The following SIRPA variants were observed in gnomAD, a reference collection of about 807,000 sequenced individuals.
SIRPA encodes the protein tyrosine-protein phosphatase non-receptor type substrate 1.
Under a neutral mutation model 50.3 loss-of-function variants are expected in SIRPA, and 9 were observed. That is an observed-to-expected ratio of 0.18 (90% CI 0.11 to 0.31). The LOEUF (loss-of-function observed/expected upper bound fraction) is 0.31. SIRPA is among the 10% of genes least tolerant of loss of function. The pLI is 1.00. For synonymous variants in SIRPA, 265 were observed against 284.1 expected (o/e 0.93, Z 0.68); for missense variants, 474 against 661.6 (o/e 0.72, Z 3.11).
At chr20:1,926,124 T>C (rs138024774) in intron 5 of SIRPA, among the ~76,000 whole-genome samples, 1 of 152,176 alleles carries the variant, frequency 6.6e-6, no homozygotes, top group Non-Finnish European at 1.5e-5. Flanking sequence ...GCCTCCCAAG[T>C]TTCCCTCCCT....
chr20:1,910,545 A>G (rs2123056123), intron 1 of SIRPA, among the ~76,000 whole-genome samples: 1 of 152,312 alleles, frequency 6.6e-6, no homozygotes, highest in South Asian at 2.1e-4. Flanking sequence ...CAATCAACAA[A>G]GATTTATCGA....
Position 1,936,818 on chromosome 20 carries a change from C to T in SIRPA, c.1267-502C>T, listed in dbSNP as rs943702648. ...AACAGACATGGTCCTGGGTAGCGGGCCCTGTGATGGAAAACAAACATGGGC... is the reference window on the plus strand; with the variant it reads ...AACAGACATGGTCCTGGGTAGCGGGTCCTGTGATGGAAAACAAACATGGGC... On this transcript the variant is annotated intron_variant, in intron 7 of 7. Coordinates refer to ENST00000358771, the MANE Select transcript of SIRPA (RefSeq NM_001040023.2). The surrounding 1 kb of genome is among the most constrained non-coding windows in gnomAD (Gnocchi z 4.2). 2.0e-5 allele frequency among the ~76,000 whole-genome samples: 3 copies of T among 152,124 alleles called. No homozygotes were observed. The highest frequency in any genetic ancestry group is 4.8e-5 in the African/African-American group (2 of 41,422).
intron 1 of SIRPA, among the ~76,000 whole-genome samples, chr20:1,913,936 G>T (rs936268373): frequency 6.6e-6 from 1 of 152,044 alleles, no homozygotes; most frequent in Non-Finnish European, 1.5e-5. Context: ...CAGTGTCTCT[G>T]ATTGGGGCTC....
At chr20:1,905,091 T>C (rs932089142) in intron 1 of SIRPA, among the ~76,000 whole-genome samples, 3 of 152,222 alleles carry the variant, frequency 2.0e-5, no homozygotes, top group African/African-American at 7.2e-5. Context: ...TTTTGCAAGC[T>C]GCAAAATGCT....
At chr20:1,915,576 C>T (rs1216821090) in intron 2 of SIRPA, 121 bp downstream of exon 2, 2 of 1,207,812 alleles carry the variant, frequency 1.7e-6, no homozygotes, top group Non-Finnish European at 1.2e-6. Context: ...GAATTGATGT[C>T]TCCCCCTTTT....
Position 1,928,153 on chromosome 20 carries a change from C to T in SIRPA, c.1226+254C>T, listed in dbSNP as rs563808401. Among the ~76,000 whole-genome samples the T allele has an allele frequency of 6.6e-6, 1 of 152,326 alleles. No individual in the cohort carries two copies. The highest frequency in any genetic ancestry group is 1.9e-4 in the East Asian group (1 of 5,192). Reference sequence around the variant, plus strand: ...CCAGACAACGAGACCCTTGTCTAATCCCATGTGGACTGGGGCAGAGACCTC... The same window carrying T: ...CCAGACAACGAGACCCTTGTCTAATTCCATGTGGACTGGGGCAGAGACCTC... On this transcript the variant is annotated intron_variant, in intron 6 of 7. Coordinates refer to ENST00000358771, the MANE Select transcript of SIRPA (RefSeq NM_001040023.2). This position sits in a 1 kb window ranked among gnomAD's most constrained non-coding sequence, Gnocchi z 4.9.
In SIRPA at chr20:1,895,473, G is replaced by A. The variant is rs1983737960; in HGVS notation, c.26G>A (p.Gly9Asp). 8 of 1,431,724 alleles carry A rather than the reference G, an allele frequency of 5.6e-6. No individual in the cohort carries two copies. The East Asian group carries it at 2.1e-4, about 38-fold the overall frequency. 88.7% of individuals were successfully genotyped at this position (1,431,724 alleles called of 1,614,324 possible). The part of the protein sequence containing the change: MEPAGPAP[G>D]RLGPLLCLLL... ...ATGGAGCCCGCCGGCCCGGCCCCCG[G>A]CCGCCTCGGGCCGCTGCTCTGCCTG... Residue 9 changes from glycine to aspartate, a missense_variant, in exon 1 of 8, where the codon GGC becomes GAC. Transcript: ENST00000358771.
chr20:1,918,183 TTTTGTTTG>T (rs776532661), intron 2 of SIRPA, among the ~76,000 whole-genome samples: 12 of 142,708 alleles, frequency 8.4e-5, no homozygotes, highest in African/African-American at 3.2e-4. Flanking sequence ...AATCAAGGTT[TTTTGTTTG>T]TTTGTTTGTT....
intron 1 of SIRPA, among the ~76,000 whole-genome samples, chr20:1,907,106 A>G (rs552127329): frequency 1.3e-5 from 2 of 152,316 alleles, no homozygotes; most frequent in Admixed American, 6.5e-5. Flanking sequence ...TACCTACTGC[A>G]TGGATGGGGC....
rs920140865 is a variant in SIRPA at position 1,939,988 on chromosome 20, T to C, written c.*2420T>C. ...CTCCTGCCAAAGCCTGGAAGAGGAT[T>C]GAATGGACCCCAGGGTTTGGAAACA... On this transcript the variant is annotated 3_prime_UTR_variant, in exon 8 of 8. Transcript: ENST00000358771. The surrounding 1 kb of genome is among the most constrained non-coding windows in gnomAD (Gnocchi z 4.7). 1.3e-5 allele frequency: 2 copies of C among 152,410 alleles called. No individual in the cohort carries two copies. Among genetic ancestry groups the C allele is most frequent in the African/African-American group, 4.8e-5 (2 of 41,458 alleles). The allele number at this position is 152,410 out of a possible 1,614,324, so 9.4% of individuals were successfully genotyped here.
intron 1 of SIRPA, among the ~76,000 whole-genome samples, chr20:1,905,294 A>G (rs1036916646): frequency 8.5e-5 from 13 of 152,138 alleles, no homozygotes; most frequent in Admixed American, 3.9e-4. Context: ...AGAAGCCTGA[A>G]CTGGAGGGGA....
chr20:1,911,063 C>T (rs972800168), intron 1 of SIRPA, among the ~76,000 whole-genome samples: 8 of 152,172 alleles, frequency 5.3e-5, no homozygotes, highest in Non-Finnish European at 1.2e-4. Flanking sequence ...GGATCTACTA[C>T]TTGGTAACAG....
Position 1,937,151 on chromosome 20 carries a change from T to C in SIRPA, c.1267-169T>C, listed in dbSNP as rs1451521220. Among the ~76,000 whole-genome samples the C allele has an allele frequency of 6.6e-6, 1 of 151,988 alleles. No homozygotes were observed. The highest frequency in any genetic ancestry group is 1.5e-5 in the Non-Finnish European group (1 of 67,986). On this transcript the variant is annotated intron_variant, in intron 7 of 7. Transcript: ENST00000358771. The surrounding 1 kb of genome is among the most constrained non-coding windows in gnomAD (Gnocchi z 8.3). ...GAGGGCAGATGGGAAGGGGCAAGGC[T>C]GGAGGCAAGTAACGTTGGCAAGAGA...
At chr20:1,905,983 G>T (rs1984523291) in intron 1 of SIRPA, among the ~76,000 whole-genome samples, 1 of 152,190 alleles carries the variant, frequency 6.6e-6, no homozygotes, top group Non-Finnish European at 1.5e-5. Context: ...GCCTCGGAGA[G>T]GATCCCGAGC....
rs1471635352 is a variant in SIRPA, at chr20:1,915,327, A to T, written c.308A>T (p.Asp103Val). The T allele has an allele frequency of 6.2e-7, 1 of 1,613,050 alleles. No homozygotes were observed. The highest frequency in any genetic ancestry group is 8.5e-7 in the Non-Finnish European group (1 of 1,179,612). ...VSDLTKRNNMDFSIRIGNITP... is the reference protein window; with the variant it reads ...VSDLTKRNNMVFSIRIGNITP... Reference sequence around the variant, plus strand: ...GACCTCACAAAGAGAAACAACATGGACTTTTCCATCCGCATCGGTAACATC... The same window carrying T: ...GACCTCACAAAGAGAAACAACATGGTCTTTTCCATCCGCATCGGTAACATC... The change falls in exon 2 of 8, where the codon GAC (aspartate) becomes GTC (valine). Residue 103 changes from aspartate to valine, a missense_variant. This residue lies in a region of SIRPA where 221 missense variants were observed against 359.9 expected (regional missense o/e 0.61). Transcript: ENST00000358771.
rs1356457181 is a variant in SIRPA, at chr20:1,933,891, CTTT to C, written c.1227-823_1227-821del. Among the ~76,000 whole-genome samples the C allele has an allele frequency of 6.6e-6, 1 of 152,164 alleles. No homozygotes were observed. Among genetic ancestry groups the C allele is most frequent in the Admixed American group, 6.5e-5 (1 of 15,278 alleles). ...ACAGAAGCAAGTGCACGAACAACTTCTTTGATTAACTTGGACATCTTGGTCTTT... is the reference window on the plus strand; with the variant it reads ...ACAGAAGCAAGTGCACGAACAACTTCGATTAACTTGGACATCTTGGTCTTT... On this transcript the variant is annotated intron_variant, in intron 6 of 7. Transcript: ENST00000358771. The surrounding 1 kb of genome is among the most constrained non-coding windows in gnomAD (Gnocchi z 4.4).
At chr20:1,929,340 G>A (rs1486918851) in intron 6 of SIRPA, among the ~76,000 whole-genome samples, 2 of 152,074 alleles carry the variant, frequency 1.3e-5, no homozygotes, top group Non-Finnish European at 2.9e-5. Context: ...GGGCTGAGAA[G>A]TGCTCAGATT....
upstream of SIRPA, among the ~76,000 whole-genome samples, chr20:1,895,099 C>A (rs914000073): frequency 1.3e-5 from 2 of 151,444 alleles, no homozygotes; most frequent in South Asian, 2.1e-4. Context: ...TCGCTCTCCC[C>A]CTCTTTCTCC....
intron 6 of SIRPA, among the ~76,000 whole-genome samples, chr20:1,931,647 T>C (rs533750763): frequency 6.9e-4 from 105 of 152,162 alleles, no homozygotes; most frequent in African/African-American, 2.3e-3. Flanking sequence ...CCAGAGGACG[T>C]TGGTGTGAGT....
Sources: allele counts gnomAD v4.1 joint callset (sites outside exome capture counted in the v4.1 genomes callset), GRCh38; gene constraint gnomAD v4.1.1; regional missense constraint gnomAD v4.1.1; non-coding constraint Gnocchi (gnomAD v3.1); transcripts MANE v1.5; gene names NCBI Gene and HGNC (gene_info 2026-07-23, HGNC 2026-07-21).